Variants in NDEL1 observed in about 807,000 individuals in gnomAD.
The protein encoded by NDEL1 is nudE neurodevelopment protein 1 like 1.
In NDEL1, 9 loss-of-function variants were observed where a neutral mutation model predicts 45.7. The ratio of observed to expected loss-of-function variants is 0.20; its 90% CI spans 0.12 to 0.34. The LOEUF is 0.34. NDEL1 is among the 10% of genes least tolerant of loss of function. NDEL1 has a pLI of 1.00. For missense variants in NDEL1, 306 were observed against 406.2 expected (o/e 0.75, Z 2.12); for synonymous variants, 133 against 158.6 (o/e 0.84, Z 1.21).
At chr17:8,424,901 T>C (rs527701763) in intron 1 of NDEL1, among the ~76,000 whole-genome samples, 27 of 152,342 alleles carry the variant, frequency 1.8e-4, no homozygotes, top group Non-Finnish European at 3.7e-4. Flanking sequence ...ACTCCTGGGC[T>C]CAAGCGGTCC....
At chr17:8,443,524 G>A (rs1909893224) in intron 1 of NDEL1, among the ~76,000 whole-genome samples, 1 of 152,148 alleles carries the variant, frequency 6.6e-6, no homozygotes, top group African/African-American at 2.4e-5. Flanking sequence ...GATGCCTGGG[G>A]AGGGGGTGCT....
At chr17:8,454,364 G>A (rs1293678409) in intron 6 of NDEL1, among the ~76,000 whole-genome samples, 4 of 151,294 alleles carry the variant, frequency 2.6e-5, no homozygotes, top group African/African-American at 7.3e-5. Flanking sequence ...ACTAAAAAAC[G>A]TGACTATCAA....
At chr17:8,418,902 G>A (rs997376581) in intron 1 of NDEL1, among the ~76,000 whole-genome samples, 4 of 151,282 alleles carry the variant, frequency 2.6e-5, no homozygotes, top group Non-Finnish European at 5.9e-5. Flanking sequence ...AGGCTGGAGT[G>A]CAGTGGTGTG....
chr17:8,423,906 T>A (rs1908760957), intron 1 of NDEL1, among the ~76,000 whole-genome samples: 1 of 152,178 alleles, frequency 6.6e-6, no homozygotes, highest in African/African-American at 2.4e-5. Flanking sequence ...TTTAAAAAAA[T>A]TTTAACAGAT....
At chr17:8,427,563 G>A (rs1489449533) in intron 1 of NDEL1, among the ~76,000 whole-genome samples, 1 of 152,122 alleles carries the variant, frequency 6.6e-6, no homozygotes, top group Admixed American at 6.6e-5. Flanking sequence ...TTAGCTGGGT[G>A]TGGTGGTGCA....
intron 1 of NDEL1, among the ~76,000 whole-genome samples, chr17:8,438,507 AATCTGATTTT>A: frequency 6.6e-6 from 1 of 152,040 alleles, no homozygotes; most frequent in East Asian, 1.9e-4. Context: ...ATTTGTAAAT[AATCTGATTTT>A]TATTTTTATT....
chr17:8,417,505 G>A (rs1908572774), intron 1 of NDEL1, among the ~76,000 whole-genome samples: 1 of 152,292 alleles, frequency 6.6e-6, no homozygotes, highest in South Asian at 2.1e-4. Flanking sequence ...TCATTTTTAT[G>A]TTCAAGGAAC....
chr17:8,473,250 G>A (rs991749678), intron 3 of NDEL1, among the ~76,000 whole-genome samples: 2 of 149,838 alleles, frequency 1.3e-5, no homozygotes, highest in African/African-American at 2.5e-5. Flanking sequence ...GCAGTGGTGT[G>A]ATCTCGGCTC....
intron 3 of NDEL1, 92 bp from the exon 4 acceptor site, chr17:8,446,662 G>C: frequency 8.2e-7 from 1 of 1,219,120 alleles, no homozygotes. Flanking sequence ...TAAATTCCTT[G>C]GGTTCCCCCC....
chr17:8,436,192 G>A (rs1909323807), intron 1 of NDEL1, 147 bp downstream of exon 1: 3 of 245,586 alleles, frequency 1.2e-5, no homozygotes, highest in South Asian at 7.1e-5. Context: ...GGCCAGCCTG[G>A]GGGCAACTGT....
At chr17:8,428,745 C>T (rs1908921765) in intron 1 of NDEL1, among the ~76,000 whole-genome samples, 1 of 151,648 alleles carries the variant, frequency 6.6e-6, no homozygotes, top group Non-Finnish European at 1.5e-5. Context: ...ATGATCTCGG[C>T]TCACTGCAAG....
In NDEL1 at chr17:8,463,484, CAG is replaced by C. The variant is rs1202645896; in HGVS notation, c.944+3325_944+3326del. Reference sequence around the variant, plus strand: ...CAGCTTTAACCAACTTACAGCCCATCAGTGAACTTTCACGGTCCTGTTCGACT... The same window carrying C: ...CAGCTTTAACCAACTTACAGCCCATCTGAACTTTCACGGTCCTGTTCGACT... On this transcript the variant is annotated intron_variant, in intron 8 of 8. Coordinates refer to ENST00000334527, the MANE Select transcript of NDEL1 (RefSeq NM_030808.5). 2.0e-5 allele frequency: 15 copies of C among 759,858 alleles called. No homozygotes were observed. The Admixed American group carries it at 3.5e-4, about 18-fold the overall frequency. The allele number at this position is 759,858 out of a possible 1,614,324, so 47.1% of individuals were successfully genotyped here. A position where few individuals can be genotyped will look rare whatever the true frequency, so the allele number is the denominator to read the frequency against.
chr17:8,463,345 T>C (rs1186594500), intron 8 of NDEL1: 2 of 1,613,312 alleles, frequency 1.2e-6, no homozygotes, highest in South Asian at 1.1e-5. Flanking sequence ...ATTTCCCACG[T>C]TGTTCATGGG....
At chr17:8,432,372 T>TATATATAAATATATATATATATATATA (rs1909037517), upstream of NDEL1, among the ~76,000 whole-genome samples, 1 of 131,648 alleles carries the variant, frequency 7.6e-6, no homozygotes, top group African/African-American at 2.8e-5. Flanking sequence ...ATATATATAT[T>TATATATAAATATATATATATATATATA]TAATGGCAGG....
intron 8 of NDEL1, among the ~76,000 whole-genome samples, chr17:8,462,460 GTC>G (rs1911270208): frequency 1.3e-5 from 2 of 152,188 alleles, no homozygotes; most frequent in South Asian, 4.2e-4. Flanking sequence ...CTTTTGGCCT[GTC>G]TGGCTTTTTA....
intron 6 of NDEL1, among the ~76,000 whole-genome samples, chr17:8,452,740 C>CTTTTTTTTTTTTTTTTTTTTCTTT: frequency 1.0e-5 from 1 of 95,628 alleles, no homozygotes; most frequent in African/African-American, 4.1e-5. Context: ...TTTTTCTTCT[C>CTTTTTTTTTTTTTTTTTTTTCTTT]TTTTTTTTTT....
At chr17:8,413,250 G>C (rs1027420713) in exon 1 of NDEL1, 2 of 152,364 alleles carry the variant, frequency 1.3e-5, no homozygotes, top group African/African-American at 4.8e-5. Flanking sequence ...GATCAGCTGA[G>C]GCCTGAGACA....
chr17:8,430,720 G>A (rs1908979808), intron 1 of NDEL1, among the ~76,000 whole-genome samples: 1 of 152,212 alleles, frequency 6.6e-6, no homozygotes, highest in Non-Finnish European at 1.5e-5. Flanking sequence ...AAGGCAGAGG[G>A]TAGGGCAGCC....
At chr17:8,454,728 C>T in intron 6 of NDEL1, 68 bp from the exon 7 acceptor site, 1 of 1,157,904 alleles carries the variant, frequency 8.6e-7, no homozygotes, top group East Asian at 2.3e-5. Context: ...TACTTTGTAA[C>T]ATCAACAACA....
Sources: gnomAD v4.1 joint callset for allele counts (sites outside exome capture counted in the v4.1 genomes callset) on GRCh38, gnomAD v4.1.1 for gene constraint, MANE v1.5 for transcripts, NCBI Gene and HGNC (gene_info 2026-07-23, HGNC 2026-07-21) for gene names.